The following NCK2 variants were observed in gnomAD, a reference collection of about 807,000 sequenced individuals.
The protein encoded by NCK2 is NCK adaptor protein 2.
Under a neutral mutation model 33.9 loss-of-function variants are expected in NCK2, and 16 were observed. The observed-to-expected ratio is 0.47, with a 90% CI of 0.32 to 0.72. The LOEUF (loss-of-function observed/expected upper bound fraction) is 0.72. NCK2 is among the 30% of genes least tolerant of loss of function. The probability of loss-of-function intolerance (pLI) is 0.03; values close to 1 mark genes in which losing one functional copy is unlikely to be tolerated. For synonymous variants in NCK2, 273 were observed against 239.9 expected (o/e 1.14, Z -1.27); for missense variants, 418 against 537.3 (o/e 0.78, Z 2.19).
intron 1 of NCK2, among the ~76,000 whole-genome samples, chr2:105,764,005 T>A (rs1238750302): frequency 6.6e-6 from 1 of 152,222 alleles, no homozygotes; most frequent in Admixed American, 6.5e-5. Flanking sequence ...ATTTCATATG[T>A]GTTGCCTAAT....
chr2:105,794,893 AGAGAAT>A (rs1399866737), intron 1 of NCK2, among the ~76,000 whole-genome samples: 1 of 152,158 alleles, frequency 6.6e-6, no homozygotes, highest in Non-Finnish European at 1.5e-5. Context: ...GGTTATGTCC[AGAGAAT>A]GATTATTTTG....
chr2:105,877,846 G>A (rs1426773063), intron 3 of NCK2, among the ~76,000 whole-genome samples: 2 of 152,186 alleles, frequency 1.3e-5, no homozygotes, highest in Admixed American at 1.3e-4. Context: ...GGTATGTTGG[G>A]CCAATTCCTT....
At chr2:105,767,140 G>C (rs1483062523) in intron 1 of NCK2, among the ~76,000 whole-genome samples, 5 of 152,188 alleles carry the variant, frequency 3.3e-5, no homozygotes. Flanking sequence ...CGACCTGGAA[G>C]CCTGGACCCC....
At chr2:105,813,825 A>G (rs1490246933) in intron 1 of NCK2, among the ~76,000 whole-genome samples, 1 of 152,234 alleles carries the variant, frequency 6.6e-6, no homozygotes, top group Non-Finnish European at 1.5e-5. Context: ...ATTTTGTAGT[A>G]TTAAGGATCC....
chr2:105,799,014 T>C (rs1434391318), intron 1 of NCK2, among the ~76,000 whole-genome samples: 1 of 152,172 alleles, frequency 6.6e-6, no homozygotes, highest in African/African-American at 2.4e-5. Context: ...TTTGAAGGCC[T>C]TATATTTTCT....
chr2:105,855,392 A>G (rs1295210572), intron 3 of NCK2, 103 bp downstream of exon 3: 1 of 838,612 alleles, frequency 1.2e-6, no homozygotes, highest in Non-Finnish European at 1.8e-6. Context: ...GTCTGTTTTA[A>G]AAGTTAATAT....
At position 105,893,829 on chromosome 2, in the gene NCK2, A is replaced by G. The variant is rs959306478; in HGVS notation, c.*653A>G. ...AATTTACCCCAAATGTGCCATCCACATAGTGCTTTTTCCTCTTGCCCTTCG... is the reference window on the plus strand; with the variant it reads ...AATTTACCCCAAATGTGCCATCCACGTAGTGCTTTTTCCTCTTGCCCTTCG... On this transcript the variant is annotated 3_prime_UTR_variant, in exon 5 of 5. Coordinates refer to ENST00000233154, the MANE Select transcript of NCK2 (RefSeq NM_003581.5). 1 of 152,668 alleles carries G rather than the reference A, an allele frequency of 6.6e-6. No homozygotes were observed. The highest frequency in any genetic ancestry group is 6.5e-5 in the Admixed American group (1 of 15,284). 9.5% of individuals were successfully genotyped at this position (152,668 alleles called of 1,614,324 possible).
intron 3 of NCK2, among the ~76,000 whole-genome samples, chr2:105,861,242 A>C (rs1210535671): frequency 1.3e-5 from 2 of 152,210 alleles, no homozygotes; most frequent in African/African-American, 4.8e-5. Context: ...ATTATGTAAA[A>C]AATAAATATC....
chr2:105,822,179 T>TC (rs11385276), intron 2 of NCK2, among the ~76,000 whole-genome samples: 141,833 of 152,006 alleles, frequency 0.93, 66,252 homozygotes, highest in East Asian at 1. Context: ...GTTTGGAGAG[T>TC]TCTTTGGAAA....
At chr2:105,840,011 A>T (rs1163697081) in intron 2 of NCK2, among the ~76,000 whole-genome samples, 1 of 152,172 alleles carries the variant, frequency 6.6e-6, no homozygotes. Context: ...TGGATCTGGC[A>T]GTATGGTAGG....
At chr2:105,826,070 G>T (rs975958332) in intron 2 of NCK2, among the ~76,000 whole-genome samples, 3 of 152,176 alleles carry the variant, frequency 2.0e-5, no homozygotes, top group Non-Finnish European at 4.4e-5. Flanking sequence ...AAAGAACTAT[G>T]CGAGACTGGG....
intron 1 of NCK2, among the ~76,000 whole-genome samples, chr2:105,764,276 C>T (rs1194817483): frequency 6.6e-6 from 1 of 152,252 alleles, no homozygotes; most frequent in Non-Finnish European, 1.5e-5. Flanking sequence ...CATCCGCACC[C>T]TGCAGGTTAA....
chr2:105,802,265 TGTG>T, intron 1 of NCK2, among the ~76,000 whole-genome samples: 1 of 152,178 alleles, frequency 6.6e-6, no homozygotes, highest in Non-Finnish European at 1.5e-5. Context: ...CTTGCTCAAA[TGTG>T]GTGTGGGAGG....
intron 1 of NCK2, among the ~76,000 whole-genome samples, chr2:105,792,599 G>A (rs1006020889): frequency 7.9e-5 from 12 of 151,616 alleles, no homozygotes; most frequent in African/African-American, 1.7e-4. Flanking sequence ...GTCCAAACTC[G>A]TTTGTTTTTT....
At chr2:105,792,607 T>G (rs560165750) in intron 1 of NCK2, among the ~76,000 whole-genome samples, 8 of 152,312 alleles carry the variant, frequency 5.3e-5, no homozygotes, top group African/African-American at 1.9e-4. Context: ...TCGTTTGTTT[T>G]TTTTTTTCCA....
At chr2:105,770,124 T>TAAAAAAAA (rs76726445) in intron 1 of NCK2, among the ~76,000 whole-genome samples, 1 of 126,750 alleles carries the variant, frequency 7.9e-6, no homozygotes. Flanking sequence ...CACTAATAAG[T>TAAAAAAAA]AAAAAAAAAA....
intron 1 of NCK2, among the ~76,000 whole-genome samples, chr2:105,788,868 G>T (rs1223039633): frequency 6.6e-6 from 1 of 152,196 alleles, no homozygotes; most frequent in African/African-American, 2.4e-5. Context: ...GACAGAGGGT[G>T]ACTAGTCAGG....
intron 1 of NCK2, among the ~76,000 whole-genome samples, chr2:105,761,659 C>T (rs1396055262): frequency 6.6e-6 from 1 of 152,188 alleles, no homozygotes; most frequent in African/African-American, 2.4e-5. Context: ...GGGAGGATTG[C>T]TTGAGCCCAG....
At position 105,860,205 on chromosome 2, in the gene NCK2, GAGT is replaced by G. The variant is rs1267248708; in HGVS notation, c.226+4917_226+4919del. Among the ~76,000 whole-genome samples, 24 of 152,300 alleles carry G rather than the reference GAGT, an allele frequency of 1.6e-4. No individual in the cohort carries two copies. In the East Asian group the frequency reaches 4.4e-3, roughly 28 times the overall value. The stretch of plus-strand genomic sequence containing the variant: ...AGAGGCTCAGTTGGGAGGACTGCTT[GAGT>G]CCAGAAGTTGGAGGCTGCAGTGAGC... On this transcript the variant is annotated intron_variant, in intron 3 of 4. Coordinates refer to ENST00000233154, the MANE Select transcript of NCK2 (RefSeq NM_003581.5).
Sources: allele counts gnomAD v4.1 joint callset (sites outside exome capture counted in the v4.1 genomes callset), GRCh38; gene constraint gnomAD v4.1.1; transcripts MANE v1.5; gene names NCBI Gene and HGNC (gene_info 2026-07-23, HGNC 2026-07-21).